The following CAPN9 variants were observed in gnomAD, a reference collection of about 807,000 sequenced individuals.
CAPN9 encodes calpain 9, also known as calpain-9.
Under a neutral mutation model 92.8 loss-of-function variants are expected in CAPN9, and 81 were observed. The observed-to-expected ratio is 0.87, with a 90% CI of 0.73 to 1.05. The LOEUF (loss-of-function observed/expected upper bound fraction) is 1.05. CAPN9 is among the 50% of genes least tolerant of loss of function. CAPN9 has a pLI of 0.00. For synonymous variants in CAPN9, 304 were observed against 328.0 expected, an observed-to-expected ratio of 0.93 and a Z score of 0.79; for missense variants, 848 against 866.2, an observed-to-expected ratio of 0.98 and a Z score of 0.26.
chr1:230,772,181 T>G (rs1572045016), intron 7 of CAPN9, 82 bp downstream of exon 7: 3 of 1,114,356 alleles, frequency 2.7e-6, no homozygotes, highest in Non-Finnish European at 4.1e-6. Flanking sequence ...TGTGAAGGAG[T>G]GGCCTGTCTA....
At chr1:230,764,506 C>T (rs556693618) in intron 4 of CAPN9, among the ~76,000 whole-genome samples, 70 of 152,286 alleles carry the variant, frequency 4.6e-4, no homozygotes, top group Non-Finnish European at 8.2e-4. Context: ...GATTTCTTGG[C>T]GTCCGTAACT....
intron 9 of CAPN9, 134 bp downstream of exon 9, chr1:230,779,267 G>A: frequency 1.3e-6 from 1 of 780,372 alleles, no homozygotes; most frequent in East Asian, 2.7e-5. Context: ...GGGGAAAAAA[G>A]GCTGCAAAGA....
At chr1:230,752,633 C>T (rs1331557994) in intron 1 of CAPN9, 2 of 980,854 alleles carry the variant, frequency 2.0e-6, no homozygotes, top group African/African-American at 3.5e-5. Flanking sequence ...AGGCGGGCAT[C>T]CGGGAACAGC....
In CAPN9 at chr1:230,769,248, A is replaced by G; in HGVS notation, c.774A>G (p.Val258=). The G allele has an allele frequency of 6.2e-7, 1 of 1,613,800 alleles. No individual in the cohort carries two copies. The highest frequency in any genetic ancestry group is 1.3e-5 in the African/African-American group (1 of 75,058). The change falls in exon 6 of 20, where the codon GTA becomes GTG. Residue 258 remains valine (V), a synonymous_variant. Transcript: ENST00000271971. ...TTATTAAGGGTCATGCCTACAGTGT[A>G]ACGGGAATTGACCAGGTAGGCGACT... ...FGLIKGHAYS[V]TGIDQVSFRG...
intron 1 of CAPN9, among the ~76,000 whole-genome samples, chr1:230,750,160 C>T (rs1241529103): frequency 6.6e-6 from 1 of 152,162 alleles, no homozygotes. Context: ...GGCCTTCATC[C>T]ACAGGCCAGG....
At chr1:230,775,180 G>T (rs1666677930) in intron 8 of CAPN9, among the ~76,000 whole-genome samples, 1 of 152,052 alleles carries the variant, frequency 6.6e-6, no homozygotes, top group African/African-American at 2.4e-5. Context: ...TCTTCAGGGG[G>T]TTCCTGCAAT....
rs946439210 is a variant in CAPN9 at position 230,767,775 on chromosome 1, A to C, written c.705+66A>C. On this transcript the variant is annotated intron_variant, in intron 5 of 19. Transcript: ENST00000271971. ...GGCTGCATAGTGCATTCCAGGCACT[A>C]TGCTGGGGCTGTACCAGGTACCCCA... The C allele has an allele frequency of 6.9e-6, 10 of 1,457,336 alleles. No homozygotes were observed. The South Asian group carries it at 1.1e-4, about 17-fold the overall frequency. 90.3% of individuals were successfully genotyped at this position (1,457,336 alleles called of 1,614,324 possible).
chr1:230,773,720 T>C (rs1290585547), intron 7 of CAPN9, among the ~76,000 whole-genome samples: 1 of 152,170 alleles, frequency 6.6e-6, no homozygotes, highest in Non-Finnish European at 1.5e-5. Context: ...AGTTCCACTC[T>C]TCTGACCCTG....
rs1170016760 is a variant in CAPN9, at chr1:230,792,430, G to A, written c.1727G>A (p.Ser576Asn). Reference sequence around the variant, plus strand: ...CCCTTAACCCACATGGCACAGACCAGCGGCAATGGGAAGCTGGAGTTTGAT... The same window carrying A: ...CCCTTAACCCACATGGCACAGACCAACGGCAATGGGAAGCTGGAGTTTGAT... ...CKNIISLMDT[S>N]GNGKLEFDEF... Residue 576 changes from serine to asparagine, a missense_variant, in exon 16 of 20, where the codon AGC (serine) becomes AAC (asparagine). Ser to Asn is a conservative substitution (Grantham distance 46). Transcript: ENST00000271971. 1.9e-6 allele frequency: 3 copies of A among 1,613,994 alleles called. No individual in the cohort carries two copies. Among genetic ancestry groups the A allele is most frequent in the Non-Finnish European group, 2.5e-6 (3 of 1,179,840 alleles).
At chr1:230,751,380 G>A (rs1664753264) in intron 1 of CAPN9, among the ~76,000 whole-genome samples, 2 of 151,680 alleles carry the variant, frequency 1.3e-5, no homozygotes, top group African/African-American at 4.8e-5. Flanking sequence ...TTTCTTCACT[G>A]GAAGGCCATG....
At position 230,787,598 on chromosome 1, in the gene CAPN9, G is replaced by A. The variant is rs1029333603; in HGVS notation, c.1595G>A (p.Gly532Asp). The A allele has an allele frequency of 1.9e-6, 3 of 1,613,568 alleles. No individual in the cohort carries two copies. Among genetic ancestry groups the A allele is most frequent in the Non-Finnish European group, 2.5e-6 (3 of 1,179,646 alleles). The change falls in exon 13 of 20, where the codon GGT becomes GAT. Residue 532 changes from glycine (G) to aspartate (D), a missense_variant. Physicochemically the swap from Gly to Asp is moderately conservative, Grantham distance 94. Transcript: ENST00000271971. ...RFRALFEQVA[G>D]EDMEVTAEEL... ...CGGGCTCTGTTTGAACAAGTCGCTG[G>A]TGAGGTAGGACATGCCCCACTTCCA...
At chr1:230,780,825 A>G in intron 11 of CAPN9, 117 bp downstream of exon 11, 1 of 745,154 alleles carries the variant, frequency 1.3e-6, no homozygotes, top group Non-Finnish European at 2.3e-6. Context: ...TGTGTACCTG[A>G]GAAACAAGGC....
chr1:230,777,522 T>TC (rs1393494898), intron 8 of CAPN9, among the ~76,000 whole-genome samples: 1 of 151,026 alleles, frequency 6.6e-6, no homozygotes, highest in Admixed American at 6.6e-5. Flanking sequence ...CCCTTAGCAC[T>TC]CCAACACTAT....
chr1:230,760,378 C>T (rs28359615), intron 3 of CAPN9, among the ~76,000 whole-genome samples: 4,523 of 152,216 alleles, frequency 0.03, 96 homozygotes, highest in Middle Eastern at 0.082. Context: ...ACACAGGAGC[C>T]GGCACAGAGC....
intron 4 of CAPN9, among the ~76,000 whole-genome samples, chr1:230,763,954 C>T (rs777356686): frequency 6.6e-6 from 1 of 152,146 alleles, no homozygotes; most frequent in Non-Finnish European, 1.5e-5. Flanking sequence ...GAGTGCCCCC[C>T]ACATCAGGAT....
chr1:230,779,108 G>T lies in CAPN9; in HGVS notation c.1089G>T (p.Thr363=). 1 of 1,612,538 alleles carries T rather than the reference G, an allele frequency of 6.2e-7. No individual in the cohort carries two copies. Among genetic ancestry groups the T allele is most frequent in the Non-Finnish European group, 8.5e-7 (1 of 1,179,878 alleles). Residue 363 remains threonine (T), a synonymous_variant, in exon 9 of 20, where the codon ACG becomes ACT. Coordinates refer to ENST00000271971, the MANE Select transcript of CAPN9 (RefSeq NM_006615.3). ...AGGGAAGCTGGGTTCGCGGCTCCAC[G>T]GCTGGGGGCTGCCGCAATTTCCTGG... is the stretch of plus-strand genomic sequence containing the variant. ...VHQGSWVRGS[T]AGGCRNFLDT...
intron 18 of CAPN9, 80 bp downstream of exon 18, chr1:230,795,359 G>A (rs574995877): frequency 6.1e-6 from 5 of 824,480 alleles, no homozygotes; most frequent in African/African-American, 5.0e-5. Context: ...GAAACAGCCT[G>A]GTTAAAGTAA....
At chr1:230,751,651 GAA>G (rs1188069802) in intron 1 of CAPN9, among the ~76,000 whole-genome samples, 1 of 100,456 alleles carries the variant, frequency 1.0e-5, no homozygotes, top group African/African-American at 4.8e-5. Flanking sequence ...AAGAAAGAAA[GAA>G]AGAAAGAAAG....
At chr1:230,788,053 A>G (rs1423233342) in intron 13 of CAPN9, among the ~76,000 whole-genome samples, 1 of 152,116 alleles carries the variant, frequency 6.6e-6, no homozygotes, top group East Asian at 1.9e-4. Flanking sequence ...GAGTCTTGCT[A>G]TGTTGCCCAG....
Sources: gnomAD v4.1 joint callset for allele counts (sites outside exome capture counted in the v4.1 genomes callset) on GRCh38, gnomAD v4.1.1 for gene constraint, MANE v1.5 for transcripts, NCBI Gene and HGNC (gene_info 2026-07-23, HGNC 2026-07-21) for gene names.